The following LARGE1 variants were observed in gnomAD, a reference collection of about 807,000 sequenced individuals.
LARGE1 encodes the protein LARGE xylosyl- and glucuronyltransferase 1, also known as xylosyl- and glucuronyltransferase LARGE1.
LARGE1 carries 43 observed loss-of-function variants against 87.6 expected under a neutral mutation model. That is an observed-to-expected ratio of 0.49 (90% CI 0.38 to 0.63). LARGE1 has a LOEUF of 0.63. Among genes scored for constraint, LARGE1 ranks in the 30% least tolerant of loss-of-function variants. The pLI is 0.00. For missense variants in LARGE1, 802 were observed against 1,000.2 expected, an observed-to-expected ratio of 0.80 and a Z score of 2.67; for synonymous variants, 434 against 394.6, an observed-to-expected ratio of 1.10 and a Z score of -1.18.
intron 11 of LARGE1, among the ~76,000 whole-genome samples, chr22:33,178,154 A>G (rs745517345): frequency 2.1e-4 from 32 of 152,172 alleles, no homozygotes; most frequent in Admixed American, 7.2e-4. Flanking sequence ...TATTTATTTT[A>G]TGATTTAGGA....
At chr22:33,115,602 A>G in the LARGE1 span, among the ~76,000 whole-genome samples, 72 of 152,104 alleles carry the variant, frequency 4.7e-4, 1 homozygote, top group South Asian at 0.011. Flanking sequence ...GGAATCACGA[A>G]GTCAGGAGAT....
chr22:33,670,274 C>T (rs2081371723), intron 2 of LARGE1, among the ~76,000 whole-genome samples: 1 of 151,880 alleles, frequency 6.6e-6, no homozygotes, highest in Non-Finnish European at 1.5e-5. Context: ...TAAAATCACA[C>T]TGCAAAGAGA....
intron 1 of LARGE1, among the ~76,000 whole-genome samples, chr22:33,852,236 C>T (rs1047164328): frequency 3.3e-5 from 5 of 152,024 alleles, no homozygotes; most frequent in Non-Finnish European, 5.9e-5. Flanking sequence ...TGTGAGCCAA[C>T]GTTGAAAGGT....
chr22:33,597,900 C>G (rs1373526857), intron 5 of LARGE1, among the ~76,000 whole-genome samples: 1 of 152,136 alleles, frequency 6.6e-6, no homozygotes, highest in African/African-American at 2.4e-5. Flanking sequence ...AGAGTGATGA[C>G]TGTTAGTTTA....
At chr22:33,883,781 C>T (rs1447872974) in intron 1 of LARGE1, among the ~76,000 whole-genome samples, 1 of 152,228 alleles carries the variant, frequency 6.6e-6, no homozygotes, top group Non-Finnish European at 1.5e-5. Flanking sequence ...CTCCAATTAC[C>T]TCTGCAAACC....
chr22:33,068,866 T>C, the LARGE1 span, among the ~76,000 whole-genome samples: 6 of 152,128 alleles, frequency 3.9e-5, no homozygotes, highest in African/African-American at 1.2e-4. Flanking sequence ...CTTTACCTGG[T>C]TGGCCTCCAA....
chr22:33,856,480 C>T (rs1299377639), intron 1 of LARGE1, among the ~76,000 whole-genome samples: 2 of 152,190 alleles, frequency 1.3e-5, no homozygotes, highest in African/African-American at 2.4e-5. Flanking sequence ...CAGGGGAAAT[C>T]CCACCAGAAC....
intron 6 of LARGE1, among the ~76,000 whole-genome samples, chr22:33,512,576 G>A (rs2071104995): frequency 6.6e-6 from 1 of 152,246 alleles, no homozygotes; most frequent in African/African-American, 2.4e-5. Flanking sequence ...GCCGAGGCAG[G>A]AAGATCACCT....
chr22:33,921,160 G>A (rs977739786), upstream of LARGE1, among the ~76,000 whole-genome samples: 62 of 151,848 alleles, frequency 4.1e-4, 1 homozygote, highest in African/African-American at 1.4e-3. This position sits in a 1 kb window ranked among gnomAD's most constrained non-coding sequence, Gnocchi z 4.1. Context: ...CGCGCGGACC[G>A]AGAGTTCGCC....
intron 11 of LARGE1, among the ~76,000 whole-genome samples, chr22:33,260,981 C>T (rs1010800347): frequency 6.6e-6 from 1 of 152,090 alleles, no homozygotes; most frequent in African/African-American, 2.4e-5. Context: ...TCAGGGTTTT[C>T]AAAATGAAAT....
intron 2 of LARGE1, among the ~76,000 whole-genome samples, chr22:33,755,613 T>C (rs936097064): frequency 2.0e-5 from 3 of 152,272 alleles, no homozygotes; most frequent in South Asian, 2.1e-4. Context: ...AATGGGGCTA[T>C]AGTTGAGCAG....
intron 11 of LARGE1, among the ~76,000 whole-genome samples, chr22:33,182,845 G>A (rs2146170230): frequency 6.6e-6 from 1 of 152,208 alleles, no homozygotes; most frequent in Admixed American, 6.5e-5. Flanking sequence ...TGTAACACCT[G>A]AAACCATAAA....
chr22:33,115,153 A>C, the LARGE1 span, among the ~76,000 whole-genome samples: 1 of 152,204 alleles, frequency 6.6e-6, no homozygotes, highest in African/African-American at 2.4e-5. Flanking sequence ...CCAAATTAAC[A>C]TGTTGAAGTT....
intron 2 of LARGE1, among the ~76,000 whole-genome samples, chr22:33,723,023 G>A (rs9619371): frequency 0.035 from 5,314 of 152,102 alleles, 313 homozygotes; most frequent in African/African-American, 0.12. Flanking sequence ...AGGCAATGAG[G>A]AGCCACAGAA....
At chr22:33,069,599 T>C in the LARGE1 span, among the ~76,000 whole-genome samples, 7 of 152,252 alleles carry the variant, frequency 4.6e-5, no homozygotes, top group Middle Eastern at 3.4e-3. Context: ...ATTAGGTTCA[T>C]TATGAACTAA....
intron 3 of LARGE1, among the ~76,000 whole-genome samples, chr22:33,628,994 T>C (rs2080018870): frequency 6.6e-6 from 1 of 152,162 alleles, no homozygotes; most frequent in East Asian, 1.9e-4. Flanking sequence ...TAGAAAACCC[T>C]GTATGAGGGA....
chr22:33,717,058 C>T (rs2082933363), intron 2 of LARGE1, among the ~76,000 whole-genome samples: 1 of 152,032 alleles, frequency 6.6e-6, no homozygotes, highest in South Asian at 2.1e-4. Flanking sequence ...CAAAGGATAC[C>T]CCTCTTCACT....
At chr22:33,695,260 T>C (rs767691363) in intron 2 of LARGE1, among the ~76,000 whole-genome samples, 2 of 151,866 alleles carry the variant, frequency 1.3e-5, no homozygotes, top group African/African-American at 4.8e-5. Context: ...CACGCCACCA[T>C]ACCCTGCTAA....
chr22:33,714,273 G>A (rs114152443), intron 2 of LARGE1, among the ~76,000 whole-genome samples: 1,777 of 152,194 alleles, frequency 0.012, 32 homozygotes, highest in African/African-American at 0.04. Flanking sequence ...GGAGCCCCTC[G>A]TTCAGAGAAC....
Sources: allele counts gnomAD v4.1 joint callset (sites outside exome capture counted in the v4.1 genomes callset), GRCh38; gene constraint gnomAD v4.1.1; non-coding constraint Gnocchi (gnomAD v3.1); transcripts MANE v1.5; gene names NCBI Gene and HGNC (gene_info 2026-07-23, HGNC 2026-07-21).